The following STARD9 variants were observed in gnomAD, a reference collection of about 807,000 sequenced individuals.
The protein encoded by STARD9 is StAR related lipid transfer domain containing 9.
Under a neutral mutation model 399.8 loss-of-function variants are expected in STARD9, and 346 were observed. The ratio of observed to expected loss-of-function variants is 0.87; its 90% confidence interval spans 0.79 to 0.95. The LOEUF (loss-of-function observed/expected upper bound fraction) is 0.95, where lower values mean the gene tolerates loss of function less well. Among genes scored for constraint, STARD9 ranks in the 40% least tolerant of loss-of-function variants. STARD9 has a pLI of 0.00. For missense variants in STARD9, 5,832 were observed against 5,667.5 expected, an observed-to-expected ratio of 1.03 and a Z score of -0.93; for synonymous variants, 2,203 against 2,143.5, an observed-to-expected ratio of 1.03 and a Z score of -0.77.
At chr15:42,589,579 C>T (rs1038580207) in intron 3 of STARD9, among the ~76,000 whole-genome samples, 2 of 151,320 alleles carry the variant, frequency 1.3e-5, no homozygotes, top group Non-Finnish European at 2.9e-5. Flanking sequence ...TGGCTTCTTT[C>T]ACTTTGCGTG....
In STARD9 at chr15:42,691,174, A is replaced by T. The variant is rs1218131302; in HGVS notation, c.9596A>T (p.His3199Leu). ...GCCAAGTTTGTAGCAAGGTTAAAAC[A>T]TACCTGCAGCCCCCAGGAAGACAGT... ...SQAKFVARLK[H>L]TCSPQEDSPW... The change falls in exon 23 of 33, where the codon CAT (histidine) becomes CTT (leucine). Residue 3199 changes from histidine to leucine, a missense_variant. Physicochemically the swap from His to Leu is moderately conservative, Grantham distance 99. Coordinates refer to ENST00000290607, the MANE Select transcript of STARD9 (RefSeq NM_020759.3). 1 of 1,537,280 alleles carries T rather than the reference A, an allele frequency of 6.5e-7. No individual in the cohort carries two copies. The highest frequency in any genetic ancestry group is 1.4e-5 in the African/African-American group (1 of 73,170).
chr15:42,692,734 C>T lies in STARD9; in HGVS notation c.11156C>T (p.Pro3719Leu), dbSNP rs1192327870. The change falls in exon 23 of 33, where the codon CCA becomes CTA. Residue 3719 changes from proline (P) to leucine (L), a missense_variant. By Grantham distance (98) the Pro-to-Leu change is moderately conservative (BLOSUM62 -3). This residue lies in a region of STARD9 where 5,828 missense variants were observed against 5,651.1 expected (regional missense o/e 1.03). Coordinates refer to ENST00000290607, the MANE Select transcript of STARD9 (RefSeq NM_020759.3). ...NTKRDIPDKAPQALMMDGSTQ... is the reference protein window; with the variant it reads ...NTKRDIPDKALQALMMDGSTQ... ...AAGAGGGACATCCCAGATAAAGCCC[C>T]ACAGGCCCTGATGATGGATGGCTCT... 4.6e-6 allele frequency: 7 copies of T among 1,537,038 alleles called. No homozygotes were observed. Among genetic ancestry groups the T allele is most frequent in the Non-Finnish European group, 6.1e-6 (7 of 1,146,910 alleles).
chr15:42,688,144 C>T lies in STARD9; in HGVS notation c.6566C>T (p.Thr2189Ile), dbSNP rs2060606894. ...DICDSLGKHT[T>I]CREFTNTSLH... ...TGTGATTCTTTAGGGAAACACACAA[C>T]TTGCAGAGAGTTCACCAACACTTCT... is the stretch of plus-strand genomic sequence containing the variant. The change falls in exon 23 of 33, where the codon ACT becomes ATT. Residue 2189 changes from threonine (T) to isoleucine (I), a missense_variant. By Grantham distance (89) the Thr-to-Ile change is moderately conservative (BLOSUM62 -1). Coordinates refer to ENST00000290607, the MANE Select transcript of STARD9 (RefSeq NM_020759.3). 6.5e-7 allele frequency: 1 copy of T among 1,537,350 alleles called. No homozygotes were observed. Among genetic ancestry groups the T allele is most frequent in the Non-Finnish European group, 8.7e-7 (1 of 1,146,936 alleles).
chr15:42,693,839 C>A lies in STARD9; in HGVS notation c.12261C>A (p.Pro4087=), dbSNP rs1185345795. 2 of 1,536,786 alleles carry A rather than the reference C, an allele frequency of 1.3e-6. No homozygotes were observed. Among genetic ancestry groups the A allele is most frequent in the South Asian group, 2.4e-5 (2 of 83,998 alleles). Residue 4087 remains proline (P), a synonymous_variant, in exon 23 of 33, where the codon CCC becomes CCA. Transcript: ENST00000290607. The part of the protein sequence containing the change: ...SSWGGLQHLS[P]CPVSELTDTA... ...GGGGAGGCCTCCAGCACCTCAGCCC[C>A]TGCCCTGTCTCTGAGTTGACTGATA...
rs571069584 is a variant in STARD9, at chr15:42,689,634, G to A, written c.8056G>A (p.Ala2686Thr). Residue 2686 changes from alanine to threonine, a missense_variant, in exon 23 of 33, where the codon GCG becomes ACG. Physicochemically the swap from Ala to Thr is moderately conservative, Grantham distance 58. Coordinates refer to ENST00000290607, the MANE Select transcript of STARD9 (RefSeq NM_020759.3). ...KRRTGELRQF[A>T]GASEPFICHS... ...TCGTACTGGAGAACTGAGGCAGTTC[G>A]CGGGAGCAAGTGAACCATTTATATG... 3.4e-5 allele frequency: 52 copies of A among 1,537,602 alleles called. 1 individual carries two copies. Among genetic ancestry groups the A allele is most frequent in the South Asian group, 3.1e-4 (26 of 84,064 alleles).
chr15:42,601,153 A>T (rs2058614967), intron 3 of STARD9, among the ~76,000 whole-genome samples: 1 of 152,206 alleles, frequency 6.6e-6, no homozygotes. Context: ...TAGTGGACAC[A>T]GCACATGTTT....
chr15:42,598,770 A>C (rs992292224), intron 3 of STARD9, among the ~76,000 whole-genome samples: 1 of 152,132 alleles, frequency 6.6e-6, no homozygotes, highest in Non-Finnish European at 1.5e-5. Context: ...CATTAGTTGT[A>C]ATTTTCTTAC....
At chr15:42,580,282 G>A (rs1417840146) in intron 1 of STARD9, among the ~76,000 whole-genome samples, 1 of 152,184 alleles carries the variant, frequency 6.6e-6, no homozygotes, top group Non-Finnish European at 1.5e-5. Flanking sequence ...AAAAGGAAAA[G>A]CAGCTCTCTT....
chr15:42,610,229 T>G (rs183598354), intron 3 of STARD9, among the ~76,000 whole-genome samples: 69 of 152,388 alleles, frequency 4.5e-4, no homozygotes, highest in Non-Finnish European at 9.0e-4. Context: ...CCCTTCATCT[T>G]CTGCTGCTAG....
chr15:42,688,574 TA>T lies in STARD9; in HGVS notation c.6998del (p.Asn2333IlefsTer5). 1 of 1,537,612 alleles carries T rather than the reference TA, an allele frequency of 6.5e-7. No individual in the cohort carries two copies. Among genetic ancestry groups the T allele is most frequent in the Non-Finnish European group, 8.7e-7 (1 of 1,147,018 alleles). Reference sequence around the variant, plus strand: ...CAGCTCCTCTTCACCAAGACCTGAGTAATACCTTGCCCTTGAATTCTCCAAG... The same window carrying T: ...CAGCTCCTCTTCACCAAGACCTGAGTATACCTTGCCCTTGAATTCTCCAAG... ...CTAPLHQDLS[N>X]TLPLNSPRWP... On this transcript the variant is annotated frameshift_variant, in exon 23 of 33. Coordinates refer to ENST00000290607, the MANE Select transcript of STARD9 (RefSeq NM_020759.3). LOFTEE classifies it high-confidence loss of function.
At chr15:42,661,286 A>C in intron 10 of STARD9, 61 bp downstream of exon 10, 1 of 1,134,022 alleles carries the variant, frequency 8.8e-7, no homozygotes, top group Non-Finnish European at 1.3e-6. Context: ...TACAGGGAAT[A>C]AGCTGTTCCA....
chr15:42,638,593 C>A, intron 6 of STARD9, 107 bp from the exon 7 acceptor site: 1 of 688,792 alleles, frequency 1.5e-6, no homozygotes, highest in African/African-American at 1.8e-5. Flanking sequence ...CTTAGAGTGT[C>A]AGAAGTGGAG....
At chr15:42,645,626 C>T (rs1481701766) in intron 7 of STARD9, among the ~76,000 whole-genome samples, 3 of 150,370 alleles carry the variant, frequency 2.0e-5, no homozygotes, top group East Asian at 2.0e-4. Context: ...AGTGCAGTGG[C>T]GTGATCACAG....
At chr15:42,644,231 C>T (rs952773584) in intron 7 of STARD9, among the ~76,000 whole-genome samples, 1 of 152,204 alleles carries the variant, frequency 6.6e-6, no homozygotes, top group Non-Finnish European at 1.5e-5. Flanking sequence ...TGGCGGCTCA[C>T]GCCTGTAATC....
chr15:42,646,234 A>G (rs2059643166), intron 7 of STARD9, among the ~76,000 whole-genome samples: 1 of 152,180 alleles, frequency 6.6e-6, no homozygotes, highest in East Asian at 1.9e-4. Context: ...ATTAGCCCCT[A>G]ACAGGAGAAT....
At position 42,675,726 on chromosome 15, in the gene STARD9, G is replaced by A. The variant is rs768693211; in HGVS notation, c.1750G>A (p.Val584Ile). ...ATTCAACCACCCAGCAGAGGCTGCT[G>A]TCCTGCGGCAGCGAAGGCAGGTTAG... ...FRFNHPAEAA[V>I]LRQRRQVGEA... The change falls in exon 19 of 33, where the codon GTC becomes ATC. Residue 584 changes from valine to isoleucine, a missense_variant. Physicochemically the swap from Val to Ile is conservative, Grantham distance 29. This residue lies in a region of STARD9 where 5,828 missense variants were observed against 5,651.1 expected (regional missense o/e 1.03). Transcript: ENST00000290607. 9 of 1,537,212 alleles carry A rather than the reference G, an allele frequency of 5.9e-6. No individual in the cohort carries two copies. The South Asian group carries it at 9.5e-5, about 16-fold the overall frequency.
chr15:42,643,659 G>A (rs1039640241), intron 7 of STARD9, among the ~76,000 whole-genome samples: 7 of 151,970 alleles, frequency 4.6e-5, no homozygotes, highest in African/African-American at 1.5e-4. Flanking sequence ...GCACCACCAC[G>A]CCCAGCTAAT....
At chr15:42,583,593 A>C (rs1051089151) in intron 2 of STARD9, among the ~76,000 whole-genome samples, 178 bp downstream of exon 2, 4 of 152,156 alleles carry the variant, frequency 2.6e-5, no homozygotes, top group African/African-American at 9.7e-5. Flanking sequence ...TCAAGAAAGA[A>C]GTGCAGGGCA....
At position 42,651,093 on chromosome 15, in the gene STARD9, G is replaced by A. The variant is rs2059753970; in HGVS notation, c.629+8G>A. The A allele has an allele frequency of 6.5e-7, 1 of 1,526,764 alleles. No individual in the cohort carries two copies. The highest frequency in any genetic ancestry group is 1.4e-5 in the African/African-American group (1 of 72,776). 94.6% of individuals were successfully genotyped at this position (1,526,764 alleles called of 1,614,324 possible). On this transcript the variant is annotated splice_region_variant and intron_variant, in intron 8 of 32. Coordinates refer to ENST00000290607, the MANE Select transcript of STARD9 (RefSeq NM_020759.3). The stretch of plus-strand genomic sequence containing the variant: ...GGAGGGAATTGCAAACAGGTAACAG[G>A]TTTGTTTGTTTCTGTCATTCTTTTA...
Sources: allele counts gnomAD v4.1 joint callset (sites outside exome capture counted in the v4.1 genomes callset), GRCh38; gene constraint gnomAD v4.1.1; regional missense constraint gnomAD v4.1.1; transcripts MANE v1.5; gene names NCBI Gene and HGNC (gene_info 2026-07-23, HGNC 2026-07-21).